SEC14L1: variants seen among roughly 807,000 people sequenced by gnomAD.
SEC14L1 encodes the protein SEC14-like protein 1.
Under a neutral mutation model 85.3 loss-of-function variants are expected in SEC14L1, and 48 were observed. That is an observed-to-expected ratio of 0.56 (90% CI 0.45 to 0.72). The LOEUF (loss-of-function observed/expected upper bound fraction) is 0.72, where lower values mean the gene tolerates loss of function less well. SEC14L1 is among the 30% of genes least tolerant of loss of function. The pLI is 0.00. For synonymous variants in SEC14L1, 391 were observed against 355.5 expected, an observed-to-expected ratio of 1.10 and a Z score of -1.12; for missense variants, 682 against 921.4, an observed-to-expected ratio of 0.74 and a Z score of 3.36.
At chr17:77,121,082 G>T (rs1373943951) in intron 3 of SEC14L1, among the ~76,000 whole-genome samples, 1 of 152,210 alleles carries the variant, frequency 6.6e-6, no homozygotes, top group African/African-American at 2.4e-5. Context: ...GATCCTGAGA[G>T]TTGGTTGTCC....
At chr17:77,132,004 G>A (rs1357646892) in intron 3 of SEC14L1, among the ~76,000 whole-genome samples, 4 of 152,188 alleles carry the variant, frequency 2.6e-5, no homozygotes, top group Admixed American at 1.3e-4. Flanking sequence ...GGTCGGGAAT[G>A]ATGCACTGTG....
Position 77,193,936 on chromosome 17 carries a change from C to G in SEC14L1, c.474+387C>G, listed in dbSNP as rs1598377581. 5.3e-5 allele frequency among the ~76,000 whole-genome samples: 8 copies of G among 152,264 alleles called. No homozygotes were observed. The South Asian group carries it at 1.7e-3, about 32-fold the overall frequency. ...TGTCAGTTCTTCCACAGAAGACCTTCCTTTCTCGTTTTTGTGCTGTTGTTC... is the reference window on the plus strand; with the variant it reads ...TGTCAGTTCTTCCACAGAAGACCTTGCTTTCTCGTTTTTGTGCTGTTGTTC... On this transcript the variant is annotated intron_variant, in intron 6 of 16. Transcript: ENST00000436233.
At chr17:77,126,081 G>A (rs1023627563) in intron 3 of SEC14L1, among the ~76,000 whole-genome samples, 24 of 152,222 alleles carry the variant, frequency 1.6e-4, no homozygotes, top group Admixed American at 1.2e-3. Flanking sequence ...AACCCAGGAG[G>A]TAAAGGTTGC....
intron 3 of SEC14L1, among the ~76,000 whole-genome samples, chr17:77,128,435 ATTTTAT>A (rs1567881082): frequency 2.5e-5 from 1 of 40,740 alleles, no homozygotes; most frequent in Non-Finnish European, 5.4e-5. Context: ...ATTTTATTTT[ATTTTAT>A]TTTATTTTAT....
In SEC14L1 at chr17:77,209,625, G is replaced by A. The variant is rs56085755; in HGVS notation, c.1611+149G>A. ...GGCTTTTGTTGACACTCGATATTTAGTTTCAGTAAATGTCAACGTCGAAGA... is the reference window on the plus strand; with the variant it reads ...GGCTTTTGTTGACACTCGATATTTAATTTCAGTAAATGTCAACGTCGAAGA... On this transcript the variant is annotated intron_variant, in intron 14 of 16. Coordinates refer to ENST00000436233, the MANE Select transcript of SEC14L1 (RefSeq NM_001143998.2). 14 of 798,812 alleles carry A rather than the reference G, an allele frequency of 1.8e-5. No homozygotes were observed. The East Asian group carries it at 3.9e-4, about 22-fold the overall frequency. The allele number at this position is 798,812 out of a possible 1,614,324, so 49.5% of individuals were successfully genotyped here.
chr17:77,135,195 C>T (rs576162848), intron 3 of SEC14L1, among the ~76,000 whole-genome samples: 3 of 152,314 alleles, frequency 2.0e-5, no homozygotes, highest in East Asian at 3.9e-4. Context: ...GTTCTCCTTC[C>T]ACCTCTCTGC....
chr17:77,185,562 A>G (rs1975229095), intron 3 of SEC14L1, among the ~76,000 whole-genome samples: 1 of 152,224 alleles, frequency 6.6e-6, no homozygotes, highest in South Asian at 2.1e-4. Context: ...GCCTAGTTCT[A>G]GCTAAGGCTA....
rs1029500261 is a variant in SEC14L1, at chr17:77,215,552, G to T, written c.*1529G>T. On this transcript the variant is annotated 3_prime_UTR_variant, in exon 17 of 17. Coordinates refer to ENST00000436233, the MANE Select transcript of SEC14L1 (RefSeq NM_001143998.2). ...GGATCAGGAGGGCGGGGGAGGGACCGAGCAGCCCTCTTGCCCGGTCGGGTC... is the reference window on the plus strand; with the variant it reads ...GGATCAGGAGGGCGGGGGAGGGACCTAGCAGCCCTCTTGCCCGGTCGGGTC... 1 of 986,664 alleles carries T rather than the reference G, an allele frequency of 1.0e-6. No individual in the cohort carries two copies. 61.1% of individuals were successfully genotyped at this position (986,664 alleles called of 1,614,324 possible). A position where few individuals can be genotyped will look rare whatever the true frequency, so the allele number is the denominator to read the frequency against.
chr17:77,088,863 G>A (rs1971435999), exon 1 of SEC14L1: 1 of 155,484 alleles, frequency 6.4e-6, no homozygotes, highest in African/African-American at 2.4e-5. Flanking sequence ...GCCGGGGGCT[G>A]GAGGCACTGA....
chr17:77,192,520 T>G (rs1455513088), intron 5 of SEC14L1, among the ~76,000 whole-genome samples: 1 of 152,174 alleles, frequency 6.6e-6, no homozygotes, highest in East Asian at 1.9e-4. Context: ...CCCCAGGGGC[T>G]TTGGCTCCAA....
intron 3 of SEC14L1, chr17:77,143,945 G>C: frequency 3.4e-6 from 1 of 291,848 alleles, no homozygotes; most frequent in Non-Finnish European, 6.3e-6. Flanking sequence ...CTTCTTCCTC[G>C]GGGTTGTGCT....
chr17:77,194,384 G>A (rs909150440), intron 6 of SEC14L1, among the ~76,000 whole-genome samples: 3 of 151,978 alleles, frequency 2.0e-5, no homozygotes, highest in South Asian at 4.1e-4. Context: ...GCGAAACCCC[G>A]TATTTACAAA....
rs747578629 is a variant in SEC14L1 at position 77,196,173 on chromosome 17, G to T, written c.710-29G>T. 3.6e-5 allele frequency: 56 copies of T among 1,548,982 alleles called. No homozygotes were observed. The South Asian group carries it at 5.8e-4, about 16-fold the overall frequency. ...GGAGCCTAAAGCTCCAGTGTTCTTT[G>T]TTGTAAATAAATGTCACTTACATTC... On this transcript the variant is annotated intron_variant, in intron 7 of 16. Coordinates refer to ENST00000436233, the MANE Select transcript of SEC14L1 (RefSeq NM_001143998.2).
At chr17:77,194,650 C>T (rs1184080824) in intron 6 of SEC14L1, 27 bp from the exon 7 acceptor site, 3 of 1,549,650 alleles carry the variant, frequency 1.9e-6, no homozygotes, top group Admixed American at 1.7e-5. Flanking sequence ...AATATATACT[C>T]ACCTTTAAAT....
chr17:77,182,914 C>T (rs985804630), intron 3 of SEC14L1, among the ~76,000 whole-genome samples: 2 of 152,250 alleles, frequency 1.3e-5, no homozygotes, highest in Admixed American at 6.5e-5. Context: ...CTCCCCAGGC[C>T]GCTGCTCCTC....
chr17:77,130,161 T>G (rs1183683685), intron 3 of SEC14L1: 1 of 152,124 alleles, frequency 6.6e-6, no homozygotes, highest in Non-Finnish European at 1.5e-5. Context: ...GCCGCTTCCC[T>G]GGACTTGATG....
intron 3 of SEC14L1, among the ~76,000 whole-genome samples, chr17:77,180,046 TTGTTA>T (rs67421763): frequency 0.34 from 40,599 of 120,578 alleles, 5,619 homozygotes; most frequent in Non-Finnish European, 0.35. Flanking sequence ...ATGTTTTGTT[TTGTTA>T]TGTTATGTTA....
chr17:77,126,004 A>G (rs1972436706), intron 3 of SEC14L1, among the ~76,000 whole-genome samples: 1 of 152,220 alleles, frequency 6.6e-6, no homozygotes, highest in Admixed American at 6.5e-5. Context: ...TATAAAAATT[A>G]GCTGTGTATG....
Position 77,212,001 on chromosome 17 carries a change from G to A in SEC14L1, c.1663G>A (p.Val555Met), listed in dbSNP as rs777176254. The change falls in exon 15 of 17, where the codon GTG (valine) becomes ATG (methionine). Residue 555 changes from valine to methionine, a missense_variant. Physicochemically the swap from Val to Met is conservative, Grantham distance 21. Transcript: ENST00000436233. ...GTCAGTCATCACTTGGGATTTCGACGTGTGCAAAGGGGACATTGTGTTTAA... is the reference window on the plus strand; with the variant it reads ...GTCAGTCATCACTTGGGATTTCGACATGTGCAAAGGGGACATTGTGTTTAA... ...ASSVITWDFD[V>M]CKGDIVFNIY... 11 of 1,613,984 alleles carry A rather than the reference G, an allele frequency of 6.8e-6. No individual in the cohort carries two copies. In the East Asian group the frequency reaches 1.8e-4, roughly 26 times the overall value.
Sources: allele counts gnomAD v4.1 joint callset (sites outside exome capture counted in the v4.1 genomes callset), GRCh38; gene constraint gnomAD v4.1.1; transcripts MANE v1.5; gene names NCBI Gene and HGNC (gene_info 2026-07-23, HGNC 2026-07-21).